Variants in EFNA5 observed in about 807,000 individuals in gnomAD.
The protein encoded by EFNA5 is ephrin A5.
Under a neutral mutation model 22.9 loss-of-function variants are expected in EFNA5, and 5 were observed. That is an observed-to-expected ratio of 0.22 (90% CI 0.11 to 0.46). The LOEUF is 0.46. Among genes scored for constraint, EFNA5 ranks in the 20% least tolerant of loss-of-function variants. The probability of loss-of-function intolerance (pLI) is 0.99; values close to 1 mark genes in which losing one functional copy is unlikely to be tolerated. For missense variants in EFNA5, 237 were observed against 293.3 expected (o/e 0.81, Z 1.40); for synonymous variants, 113 against 112.2 (o/e 1.01, Z -0.04).
At chr5:107,607,216 G>T (rs1177402249) in intron 1 of EFNA5, among the ~76,000 whole-genome samples, 3 of 152,210 alleles carry the variant, frequency 2.0e-5, no homozygotes, top group African/African-American at 7.2e-5. Context: ...GAACCAGACT[G>T]CTATGACTAA....
At chr5:107,602,601 C>T (rs543087301) in intron 1 of EFNA5, among the ~76,000 whole-genome samples, 1 of 152,180 alleles carries the variant, frequency 6.6e-6, no homozygotes, top group Non-Finnish European at 1.5e-5. Flanking sequence ...GTAGAGTGAG[C>T]TGTGCATTTT....
At chr5:107,601,467 T>G (rs1369668339) in intron 1 of EFNA5, among the ~76,000 whole-genome samples, 1 of 152,024 alleles carries the variant, frequency 6.6e-6, no homozygotes, top group Non-Finnish European at 1.5e-5. Flanking sequence ...ACAACCAAAA[T>G]GAATCAAGCA....
chr5:107,489,182 T>C (rs1746729964), intron 1 of EFNA5, among the ~76,000 whole-genome samples: 1 of 152,066 alleles, frequency 6.6e-6, no homozygotes, highest in Admixed American at 6.6e-5. Context: ...ACAAAATTTG[T>C]TTGTTTATTT....
At chr5:107,416,613 G>A (rs7703776) in intron 2 of EFNA5, among the ~76,000 whole-genome samples, 33,429 of 151,984 alleles carry the variant, frequency 0.22, 3,854 homozygotes, top group South Asian at 0.33. Flanking sequence ...ATCAGAACAA[G>A]TGTTACCGGA....
At chr5:107,566,725 AGAGGAGGATAAAC>A (rs1748673748) in intron 1 of EFNA5, among the ~76,000 whole-genome samples, 3 of 152,256 alleles carry the variant, frequency 2.0e-5, no homozygotes, top group Admixed American at 6.5e-5. Flanking sequence ...TAGGGGAAGC[AGAGGAGGATAAAC>A]ACTGCCTGCG....
chr5:107,660,920 C>T (rs543088671), intron 1 of EFNA5, among the ~76,000 whole-genome samples: 1 of 151,996 alleles, frequency 6.6e-6, no homozygotes, highest in East Asian at 1.9e-4. Context: ...ACGGAGCTCC[C>T]GCCAGAAAAC....
intron 1 of EFNA5, among the ~76,000 whole-genome samples, chr5:107,655,415 G>A (rs1188850030): frequency 1.3e-5 from 2 of 152,088 alleles, no homozygotes; most frequent in Non-Finnish European, 2.9e-5. Context: ...TTAAAATGCT[G>A]TACTTTTAAG....
intron 1 of EFNA5, among the ~76,000 whole-genome samples, chr5:107,640,777 C>T (rs996519498): frequency 1.3e-5 from 2 of 152,156 alleles, no homozygotes; most frequent in South Asian, 2.1e-4. Context: ...CAGAGGTAAC[C>T]GCTATACAGA....
At chr5:107,511,810 AC>A (rs111609260) in intron 1 of EFNA5, among the ~76,000 whole-genome samples, 4 of 151,888 alleles carry the variant, frequency 2.6e-5, no homozygotes, top group Non-Finnish European at 5.9e-5. Context: ...CTTAAAAAAA[AC>A]CTGACTAATA....
chr5:107,569,513 A>G lies in EFNA5; in HGVS notation c.125+100976T>C, dbSNP rs913090484. Among the ~76,000 whole-genome samples the G allele has an allele frequency of 3.2e-3, 447 of 137,616 alleles. 5 individuals are homozygous for G. The highest frequency in any genetic ancestry group is 5.5e-3 in the Non-Finnish European group (355 of 64,802). The allele number at this position is 137,616 out of a possible 152,430, so 90.3% of individuals were successfully genotyped here. The stretch of plus-strand genomic sequence containing the variant: ...TATATATATGTGTATATATATTTAT[A>G]TATGTGTGTATATATATTTATATAT... On this transcript the variant is annotated intron_variant, in intron 1 of 4. Transcript: ENST00000333274.
intron 1 of EFNA5, among the ~76,000 whole-genome samples, chr5:107,655,895 T>G (rs1561461660): frequency 6.6e-6 from 1 of 152,158 alleles, no homozygotes. Context: ...AACATCAATG[T>G]GTGTATAATA....
intron 2 of EFNA5, among the ~76,000 whole-genome samples, chr5:107,403,527 T>C (rs1057078321): frequency 1.3e-5 from 2 of 152,242 alleles, no homozygotes; most frequent in African/African-American, 4.8e-5. Flanking sequence ...TAGTTCTTCC[T>C]AGTGTAGTAG....
At chr5:107,526,245 T>C (rs931475074) in intron 1 of EFNA5, among the ~76,000 whole-genome samples, 3 of 152,216 alleles carry the variant, frequency 2.0e-5, no homozygotes, top group Non-Finnish European at 4.4e-5. Context: ...AATGACAACA[T>C]TGCTTCTTGC....
At chr5:107,572,867 T>A (rs1029033889) in intron 1 of EFNA5, among the ~76,000 whole-genome samples, 1 of 152,178 alleles carries the variant, frequency 6.6e-6, no homozygotes, top group African/African-American at 2.4e-5. Flanking sequence ...CAGCCCGCTG[T>A]CCCTTATGAT....
chr5:107,479,457 T>TG (rs1413403693), intron 1 of EFNA5, among the ~76,000 whole-genome samples: 5 of 146,278 alleles, frequency 3.4e-5, no homozygotes, highest in Non-Finnish European at 6.0e-5. Context: ...TGAAAACACA[T>TG]TTAAAAAAAA....
rs1580586184 is a variant in EFNA5 at position 107,657,895 on chromosome 5, A to G, written c.125+12594T>C. 2.6e-5 allele frequency among the ~76,000 whole-genome samples: 4 copies of G among 152,260 alleles called. No homozygotes were observed. The East Asian group carries it at 7.7e-4, about 29-fold the overall frequency. ...ACAAAAAACGCAGAGTAATCTTCTG[A>G]ATTTAACTAGTTCCATTCCTTACTT... On this transcript the variant is annotated intron_variant, in intron 1 of 4. Coordinates refer to ENST00000333274, the MANE Select transcript of EFNA5 (RefSeq NM_001962.3).
chr5:107,563,732 C>T (rs990261061), intron 1 of EFNA5, among the ~76,000 whole-genome samples: 2 of 152,192 alleles, frequency 1.3e-5, no homozygotes, highest in Non-Finnish European at 2.9e-5. Flanking sequence ...TGAGCCACTG[C>T]ACCCGGCCAT....
rs895207587 is a variant in EFNA5 at position 107,380,896 on chromosome 5, G to A, written c.*359C>T. 2 of 417,864 alleles carry A rather than the reference G, an allele frequency of 4.8e-6. No individual in the cohort carries two copies. Among genetic ancestry groups the A allele is most frequent in the Non-Finnish European group, 4.2e-6 (1 of 236,366 alleles). 25.9% of individuals were successfully genotyped at this position (417,864 alleles called of 1,614,324 possible). On this transcript the variant is annotated 3_prime_UTR_variant, in exon 5 of 5. Transcript: ENST00000333274. ...CACTATTCTTCCTTGTCCATAGCCC[G>A]CTGACACAGTGCGCTAACGGAGGTG...
intron 1 of EFNA5, among the ~76,000 whole-genome samples, chr5:107,505,290 A>G (rs894110274): frequency 1.3e-5 from 2 of 152,328 alleles, no homozygotes; most frequent in East Asian, 3.9e-4. Context: ...GGACTTAGGA[A>G]AGCTTCATGG....
Sources: allele counts gnomAD v4.1 joint callset (sites outside exome capture counted in the v4.1 genomes callset), GRCh38; gene constraint gnomAD v4.1.1; transcripts MANE v1.5; gene names NCBI Gene and HGNC (gene_info 2026-07-23, HGNC 2026-07-21).